The following NRCAM variants were observed in gnomAD, a reference collection of about 807,000 sequenced individuals.
NRCAM encodes NgCAM-related cell adhesion molecule.
NRCAM carries 83 observed loss-of-function variants against 156.5 expected under a neutral mutation model. That is an observed-to-expected ratio of 0.53 (90% CI 0.44 to 0.64). NRCAM has a LOEUF of 0.64. NRCAM is among the 30% of genes least tolerant of loss of function. The pLI is 0.00. For missense variants in NRCAM, 1,417 were observed against 1,597.3 expected, an observed-to-expected ratio of 0.89 and a Z score of 1.92; for synonymous variants, 538 against 563.9, an observed-to-expected ratio of 0.95 and a Z score of 0.65.
chr7:108,407,716 T>C (rs2099811010), intron 1 of NRCAM, among the ~76,000 whole-genome samples: 1 of 152,242 alleles, frequency 6.6e-6, no homozygotes, highest in African/African-American at 2.4e-5. Context: ...TTCTCAGCTC[T>C]GCTGGACTTG....
At chr7:108,167,926 G>GA (rs1013646415) in intron 29 of NRCAM, among the ~76,000 whole-genome samples, 18 of 149,802 alleles carry the variant, frequency 1.2e-4, no homozygotes, top group South Asian at 2.1e-4. Context: ...GATCCAATTT[G>GA]AAAAAAAAAC....
Position 108,178,077 on chromosome 7 carries a change from G to C in NRCAM, c.2887C>G (p.Pro963Ala), listed in dbSNP as rs1460776383. Residue 963 changes from proline to alanine, a missense_variant, in exon 26 of 33, where the codon CCA becomes GCA. Around this residue, in one of 2 missense-constraint regions of NRCAM, gnomAD observed 1,238 missense variants for 1,336.4 expected, o/e 0.93. Coordinates refer to ENST00000379028, the MANE Select transcript of NRCAM (RefSeq NM_001037132.4). Reference protein sequence around the residue: ...SAPSSLKIVNPTLDSLTLEWD... With the variant: ...SAPSSLKIVNATLDSLTLEWD... ...TCCAAAGTGAGAGAGTCCAGTGTTG[G>C]ATTCACAATCTTCAAAGACGAGGGA... is the stretch of plus-strand genomic sequence containing the variant. 13 of 1,613,520 alleles carry C rather than the reference G, an allele frequency of 8.1e-6. No individual in the cohort carries two copies. In the South Asian group the frequency reaches 1.3e-4, roughly 16 times the overall value.
At chr7:108,349,331 T>G (rs1478015394) in intron 2 of NRCAM, among the ~76,000 whole-genome samples, 2 of 151,856 alleles carry the variant, frequency 1.3e-5, no homozygotes, top group African/African-American at 2.4e-5. Context: ...TGCAGTGGCA[T>G]GATCCCGGCT....
chr7:108,153,818 T>A (rs1379530238), intron 32 of NRCAM, among the ~76,000 whole-genome samples: 4 of 152,136 alleles, frequency 2.6e-5, no homozygotes, highest in Non-Finnish European at 5.9e-5. Context: ...CAAAATATTA[T>A]TCCATTTATG....
At chr7:108,240,311 C>G (rs953116572) in intron 3 of NRCAM, 141 bp from the exon 4 acceptor site, 3 of 334,786 alleles carry the variant, frequency 9.0e-6, no homozygotes, top group African/African-American at 2.2e-5. Context: ...ATTTAACTCT[C>G]AAAACTGGAG....
At chr7:108,221,748 G>A (rs1055217042) in intron 11 of NRCAM, among the ~76,000 whole-genome samples, 6 of 152,118 alleles carry the variant, frequency 3.9e-5, no homozygotes, top group African/African-American at 1.4e-4. Flanking sequence ...ATAGAGTACA[G>A]CGTATATTGT....
At chr7:108,256,578 C>T (rs2096673255) in intron 3 of NRCAM, among the ~76,000 whole-genome samples, 1 of 151,778 alleles carries the variant, frequency 6.6e-6, no homozygotes. Flanking sequence ...TCCTATGACC[C>T]TGCCAAATCC....
chr7:108,221,201 G>C (rs556381591), intron 11 of NRCAM, among the ~76,000 whole-genome samples: 2 of 152,162 alleles, frequency 1.3e-5, no homozygotes, highest in Non-Finnish European at 2.9e-5. Context: ...AAAAACAGTA[G>C]ATGTTGGCAT....
chr7:108,398,884 T>G (rs990974932), intron 2 of NRCAM, among the ~76,000 whole-genome samples: 3 of 151,032 alleles, frequency 2.0e-5, no homozygotes, highest in African/African-American at 7.2e-5. Context: ...CAATGTTTAC[T>G]GAACTGAACT....
chr7:108,234,440 T>G (rs1484371250), intron 6 of NRCAM, 143 bp downstream of exon 6: 3 of 616,822 alleles, frequency 4.9e-6, no homozygotes, highest in Non-Finnish European at 8.6e-6. Flanking sequence ...ATCTAGTGAG[T>G]CACAGTGAGA....
chr7:108,260,782 G>A (rs2096860500), intron 3 of NRCAM, among the ~76,000 whole-genome samples: 1 of 152,110 alleles, frequency 6.6e-6, no homozygotes, highest in South Asian at 2.1e-4. Flanking sequence ...GCTCTGGAGT[G>A]GTGCATAAAC....
At chr7:108,452,644 T>G (rs1421988108) in intron 1 of NRCAM, among the ~76,000 whole-genome samples, 1 of 152,214 alleles carries the variant, frequency 6.6e-6, no homozygotes, top group African/African-American at 2.4e-5. Context: ...TTTAGTAATT[T>G]TCAAATCACT....
intron 10 of NRCAM, among the ~76,000 whole-genome samples, chr7:108,225,236 A>G (rs1476881604): frequency 1.3e-5 from 2 of 152,190 alleles, no homozygotes; most frequent in Non-Finnish European, 2.9e-5. Flanking sequence ...TTACTATGAA[A>G]TCCCCTTAAT....
intron 32 of NRCAM, among the ~76,000 whole-genome samples, chr7:108,153,419 T>A (rs2042937607): frequency 6.6e-6 from 1 of 152,116 alleles, no homozygotes; most frequent in Non-Finnish European, 1.5e-5. Context: ...ACATTAGGAA[T>A]AGAATGTATT....
chr7:108,381,599 G>A (rs1354480121), intron 2 of NRCAM, among the ~76,000 whole-genome samples: 3 of 115,962 alleles, frequency 2.6e-5, no homozygotes. Context: ...CACTCTTGTT[G>A]CCCAGGCTAG....
intron 30 of NRCAM, among the ~76,000 whole-genome samples, chr7:108,166,187 T>G (rs748330103): frequency 6.6e-6 from 1 of 152,132 alleles, no homozygotes; most frequent in African/African-American, 2.4e-5. Context: ...CTAAGCTGAC[T>G]GCAGGGTTCT....
At chr7:108,375,363 T>C (rs1200606801) in intron 2 of NRCAM, among the ~76,000 whole-genome samples, 2 of 152,098 alleles carry the variant, frequency 1.3e-5, no homozygotes, top group East Asian at 3.9e-4. Flanking sequence ...CAAGGTCTTC[T>C]ACAGCCCTTC....
intron 2 of NRCAM, among the ~76,000 whole-genome samples, chr7:108,348,712 G>A (rs1287045909): frequency 1.3e-5 from 2 of 151,146 alleles, no homozygotes; most frequent in Non-Finnish European, 3.0e-5. Flanking sequence ...TCAGGAGTTC[G>A]AGACTAGCCT....
intron 1 of NRCAM, among the ~76,000 whole-genome samples, chr7:108,407,999 G>A (rs1790555439): frequency 6.6e-6 from 1 of 152,132 alleles, no homozygotes; most frequent in South Asian, 2.1e-4. Flanking sequence ...AATATATAAT[G>A]AATCTTTCCA....
Sources: allele counts gnomAD v4.1 joint callset (sites outside exome capture counted in the v4.1 genomes callset), GRCh38; gene constraint gnomAD v4.1.1; regional missense constraint gnomAD v4.1.1; transcripts MANE v1.5; gene names NCBI Gene and HGNC (gene_info 2026-07-23, HGNC 2026-07-21).